Variants in CYP39A1 observed in about 807,000 individuals in gnomAD.
The protein encoded by CYP39A1 is cytochrome P450 family 39 subfamily A member 1.
In CYP39A1, 49 loss-of-function variants were observed where a neutral mutation model predicts 58.1. The observed-to-expected ratio is 0.84, with a 90% CI of 0.67 to 1.07. The LOEUF is 1.07. Ranked by LOEUF, CYP39A1 falls within the 50% of genes least tolerant of loss-of-function variation. The probability of loss-of-function intolerance (pLI) is 0.00; values close to 1 mark genes in which losing one functional copy is unlikely to be tolerated. For synonymous variants in CYP39A1, 209 were observed against 187.6 expected (o/e 1.11, Z -0.93); for missense variants, 531 against 539.4 (o/e 0.98, Z 0.16).
At chr6:46,618,101 A>G (rs780686599) in intron 7 of CYP39A1, among the ~76,000 whole-genome samples, 31 of 152,196 alleles carry the variant, frequency 2.0e-4, no homozygotes, top group Non-Finnish European at 2.1e-4. Context: ...ATAAAATTTC[A>G]TATAACTGAT....
intron 8 of CYP39A1, among the ~76,000 whole-genome samples, chr6:46,595,541 G>A (rs572969404): frequency 3.3e-5 from 5 of 152,054 alleles, no homozygotes; most frequent in African/African-American, 1.2e-4. Flanking sequence ...TAAAAAAAGT[G>A]AGCTCAGAAA....
intron 1 of CYP39A1, among the ~76,000 whole-genome samples, chr6:46,649,663 G>T (rs939485537): frequency 1.3e-5 from 2 of 152,252 alleles, no homozygotes; most frequent in South Asian, 4.1e-4. Flanking sequence ...CTATTTGCTT[G>T]TATACAGTTA....
intron 10 of CYP39A1, among the ~76,000 whole-genome samples, chr6:46,569,319 G>C (rs1771459588): frequency 6.6e-6 from 1 of 152,124 alleles, no homozygotes; most frequent in South Asian, 2.1e-4. Flanking sequence ...CATCTGTGAA[G>C]AGTCATAATT....
At chr6:46,593,710 A>G (rs1361444359) in intron 8 of CYP39A1, among the ~76,000 whole-genome samples, 1 of 152,200 alleles carries the variant, frequency 6.6e-6, no homozygotes, top group African/African-American at 2.4e-5. Context: ...ACAATAGTAG[A>G]GGACTGATTA....
intron 10 of CYP39A1, among the ~76,000 whole-genome samples, chr6:46,568,965 T>C (rs1771439612): frequency 6.6e-6 from 1 of 152,036 alleles, no homozygotes; most frequent in Admixed American, 6.6e-5. Flanking sequence ...TCTGCAGACT[T>C]CTTTGGGTAG....
intron 8 of CYP39A1, among the ~76,000 whole-genome samples, chr6:46,592,539 G>A (rs1772901856): frequency 6.6e-6 from 1 of 152,168 alleles, no homozygotes; most frequent in Non-Finnish European, 1.5e-5. Flanking sequence ...GTTTATAGAA[G>A]TGAAAAATTG....
In CYP39A1 at chr6:46,633,763, A is replaced by G. The variant is rs181394607; in HGVS notation, c.732+2626T>C. ...TCCCAGCTACTCGGGAGGCTGAAGC[A>G]GGAGAATTGCTTGAACCTGGGAGGC... On this transcript the variant is annotated intron_variant, in intron 5 of 11. Coordinates refer to ENST00000275016, the MANE Select transcript of CYP39A1 (RefSeq NM_016593.5). Among the ~76,000 whole-genome samples the G allele has an allele frequency of 2.9e-4, 43 of 149,052 alleles. 1 individual carries two copies. Among genetic ancestry groups the G allele is most frequent in the Non-Finnish European group, 5.0e-4 (33 of 65,852 alleles).
rs1198772109 is a variant in CYP39A1, at chr6:46,596,112, T to C, written c.940A>G (p.Lys314Glu). Reference protein sequence around the residue: ...SSVFGKAGKDKIKVSEDDLEN... With the variant: ...SSVFGKAGKDEIKVSEDDLEN... ...AGGTCATCCTCAGACACTTTAATCT[T>C]ATCTTTGCCTGTAAAAAAATTTTTA... is the stretch of plus-strand genomic sequence containing the variant. The change falls in exon 8 of 12, where the codon AAG (lysine) becomes GAG (glutamate). Residue 314 changes from lysine to glutamate, a missense_variant. Transcript: ENST00000275016. 6.3e-7 allele frequency: 1 copy of C among 1,596,926 alleles called. No individual in the cohort carries two copies. Among genetic ancestry groups the C allele is most frequent in the African/African-American group, 1.4e-5 (1 of 73,422 alleles).
At chr6:46,592,137 G>C (rs965703904) in intron 8 of CYP39A1, among the ~76,000 whole-genome samples, 1 of 152,156 alleles carries the variant, frequency 6.6e-6, no homozygotes, top group Admixed American at 6.6e-5. Context: ...GTAAATCCAA[G>C]AAAGTAGAGA....
Position 46,642,175 on chromosome 6 carries a change from C to T in CYP39A1, c.301G>A (p.Val101Ile), listed in dbSNP as rs540612754. Residue 101 changes from valine to isoleucine, a missense_variant, in exon 2 of 12, where the codon GTT becomes ATT. Val to Ile is a conservative substitution (Grantham distance 29, BLOSUM62 3). Transcript: ENST00000275016. The stretch of plus-strand genomic sequence containing the variant: ...AAATATTCTTTACCTGTACGATAAA[C>T]GATATTTTGCACTGCTAGTTCAAAA... ...VDFELAVQNI[V>I]YRTASIPKNV... 1.9e-5 allele frequency: 30 copies of T among 1,612,470 alleles called. No individual in the cohort carries two copies. Among genetic ancestry groups the T allele is most frequent in the East Asian group, 6.7e-5 (3 of 44,688 alleles).
chr6:46,575,489 G>A (rs964454758), intron 10 of CYP39A1, among the ~76,000 whole-genome samples: 3 of 152,194 alleles, frequency 2.0e-5, no homozygotes, highest in Non-Finnish European at 4.4e-5. Context: ...ACCACGAGTT[G>A]TTTCACTGGC....
chr6:46,640,962 A>C (rs961333644), intron 2 of CYP39A1, among the ~76,000 whole-genome samples: 12 of 152,100 alleles, frequency 7.9e-5, no homozygotes, highest in Non-Finnish European at 1.8e-4. Context: ...ATACCAGTAT[A>C]GTATGTATAC....
At chr6:46,622,220 G>A (rs1256045565) in intron 7 of CYP39A1, among the ~76,000 whole-genome samples, 4 of 151,964 alleles carry the variant, frequency 2.6e-5, no homozygotes, top group Non-Finnish European at 5.9e-5. Flanking sequence ...TTATTTTGAA[G>A]GTGATAAAAA....
chr6:46,558,683 T>C (rs1770790788), intron 10 of CYP39A1, among the ~76,000 whole-genome samples: 3 of 152,094 alleles, frequency 2.0e-5, no homozygotes, highest in Admixed American at 2.0e-4. Flanking sequence ...AGGATTTAGA[T>C]TATAGCATGC....
intron 2 of CYP39A1, among the ~76,000 whole-genome samples, chr6:46,641,553 C>T (rs1358176489): frequency 6.6e-6 from 1 of 152,092 alleles, no homozygotes; most frequent in Non-Finnish European, 1.5e-5. Context: ...ATTGAACCAG[C>T]TCTGCGTTCC....
chr6:46,554,785 C>T (rs1256023906), intron 10 of CYP39A1, among the ~76,000 whole-genome samples: 1 of 152,156 alleles, frequency 6.6e-6, no homozygotes, highest in Non-Finnish European at 1.5e-5. Flanking sequence ...CCATCACCCT[C>T]CATATCCAAT....
chr6:46,580,609 C>T (rs748268694), intron 10 of CYP39A1, among the ~76,000 whole-genome samples: 9 of 151,898 alleles, frequency 5.9e-5, no homozygotes, highest in Non-Finnish European at 1.0e-4. Flanking sequence ...ATGCATCTCA[C>T]AAAGGTCTAA....
chr6:46,635,204 G>GT (rs1488233996), intron 5 of CYP39A1, among the ~76,000 whole-genome samples: 2 of 152,174 alleles, frequency 1.3e-5, no homozygotes, highest in African/African-American at 4.8e-5. Context: ...TGTTTGAAGA[G>GT]TTTTTTTAAA....
chr6:46,603,097 C>G (rs999516309), intron 7 of CYP39A1, among the ~76,000 whole-genome samples: 1 of 152,204 alleles, frequency 6.6e-6, no homozygotes, highest in Non-Finnish European at 1.5e-5. Context: ...ACCCTATTCT[C>G]CTTCTCCCCT....
Sources: allele counts gnomAD v4.1 joint callset (sites outside exome capture counted in the v4.1 genomes callset), GRCh38; gene constraint gnomAD v4.1.1; transcripts MANE v1.5; gene names NCBI Gene and HGNC (gene_info 2026-07-23, HGNC 2026-07-21).